TRPV1: variants seen among roughly 807,000 people sequenced by gnomAD.
TRPV1 encodes the protein OTRPC1.
Under a neutral mutation model 82.3 loss-of-function variants are expected in TRPV1, and 82 were observed. The observed-to-expected ratio is 1.00, with a 90% CI of 0.83 to 1.20. TRPV1 has a LOEUF of 1.20. Ranked by LOEUF, TRPV1 falls within the 50% of genes most tolerant of loss-of-function variation. The pLI, the probability that TRPV1 is intolerant of heterozygous loss-of-function variation, is 0.00. For missense variants in TRPV1, 1,067 were observed against 1,096.8 expected (o/e 0.97, Z 0.38); for synonymous variants, 515 against 467.7 (o/e 1.10, Z -1.30).
chr17:3,586,941 G>C (rs559053140), intron 8 of TRPV1, among the ~76,000 whole-genome samples: 2 of 152,128 alleles, frequency 1.3e-5, no homozygotes, highest in South Asian at 4.1e-4. Flanking sequence ...CTTTGGGAAT[G>C]GGAAACTCCT....
intron 10 of TRPV1, among the ~76,000 whole-genome samples, chr17:3,582,705 C>T (rs2150839054): frequency 6.6e-6 from 1 of 152,158 alleles, no homozygotes; most frequent in East Asian, 1.9e-4. Context: ...CGCCTGTAAT[C>T]CCAGCACTTT....
In TRPV1 at chr17:3,571,647, G is replaced by A; in HGVS notation, c.2232-8C>T. 1 of 1,598,480 alleles carries A rather than the reference G, an allele frequency of 6.3e-7. No homozygotes were observed. The highest frequency in any genetic ancestry group is 1.3e-5 in the African/African-American group (1 of 74,760). The stretch of plus-strand genomic sequence containing the variant: ...CAGTTCACCTCGTCCACCCTGCAGG[G>A]TAAGGGGTCGGGAGAGCCTGAGAGC... On this transcript the variant is annotated splice_polypyrimidine_tract_variant and splice_region_variant and intron_variant, in intron 15 of 16. Coordinates refer to ENST00000572705, the MANE Select transcript of TRPV1 (RefSeq NM_080704.4).
At position 3,592,082 on chromosome 17, in the gene TRPV1, C is replaced by A; in HGVS notation, c.269G>T (p.Gly90Val). 7 of 1,612,078 alleles carry A rather than the reference C, an allele frequency of 4.3e-6. No individual in the cohort carries two copies. The highest frequency in any genetic ancestry group is 5.9e-6 in the Non-Finnish European group (7 of 1,178,688). ...GCGGACTTACCTGGCACCGGTGGGG[C>A]CGTCTCCTGGCCTCTGGATGGTGAT... ...PVITIQRPGD[G>V]PTGARLLSQD... Residue 90 changes from glycine to valine, a missense_variant, in exon 3 of 17, where the codon GGC becomes GTC. Coordinates refer to ENST00000572705, the MANE Select transcript of TRPV1 (RefSeq NM_080704.4).
intron 2 of TRPV1, among the ~76,000 whole-genome samples, chr17:3,600,866 C>T (rs949136060): frequency 3.9e-5 from 6 of 152,130 alleles, no homozygotes. Context: ...TTATCTTCTC[C>T]AGCTCCACCA....
intron 2 of TRPV1, among the ~76,000 whole-genome samples, chr17:3,606,405 T>A (rs773200589): frequency 6.6e-6 from 1 of 152,182 alleles, no homozygotes; most frequent in Non-Finnish European, 1.5e-5. Flanking sequence ...GAAGGGTGTG[T>A]GGCAAGTAGC....
intron 2 of TRPV1, among the ~76,000 whole-genome samples, chr17:3,595,254 C>T (rs1348620062): frequency 6.6e-6 from 1 of 152,186 alleles, no homozygotes; most frequent in Admixed American, 6.5e-5. Flanking sequence ...GGAAATACTT[C>T]ACCGATGAGG....
intron 2 of TRPV1, chr17:3,602,218 C>T (rs1425311435): frequency 6.6e-6 from 1 of 152,192 alleles, no homozygotes; most frequent in Non-Finnish European, 1.5e-5. Context: ...AGACATGTAA[C>T]GTCATGATTT....
chr17:3,588,813 TAAAAA>T, intron 7 of TRPV1: 2 of 903,022 alleles, frequency 2.2e-6, no homozygotes, highest in Non-Finnish European at 1.6e-6. Flanking sequence ...AAACCTCATC[TAAAAA>T]AAAAAAAAAA....
chr17:3,606,022 G>C (rs890354762), intron 2 of TRPV1, among the ~76,000 whole-genome samples: 3 of 152,112 alleles, frequency 2.0e-5, no homozygotes, highest in Non-Finnish European at 2.9e-5. Context: ...ACAGTGGCAT[G>C]ATCTCAGCTC....
At chr17:3,594,326 T>C (rs2075199068) in intron 2 of TRPV1, among the ~76,000 whole-genome samples, 1 of 146,064 alleles carries the variant, frequency 6.8e-6, no homozygotes, top group Non-Finnish European at 1.5e-5. Flanking sequence ...TGCATTTTCT[T>C]TTTTTTTTTT....
intron 16 of TRPV1, 60 bp from the exon 17 acceptor site, chr17:3,567,047 T>TCC: frequency 1.9e-6 from 3 of 1,569,332 alleles, no homozygotes; most frequent in Non-Finnish European, 2.6e-6. Context: ...CTTCTTGGCC[T>TCC]CCCAAGTCTC....
intron 9 of TRPV1, among the ~76,000 whole-genome samples, chr17:3,584,410 A>T (rs1567666379): frequency 7.9e-6 from 1 of 127,388 alleles, no homozygotes; most frequent in African/African-American, 3.0e-5. Context: ...CTCAAAAAAA[A>T]AAAAAATAAA....
chr17:3,576,195 C>A (rs1427077426), intron 13 of TRPV1, among the ~76,000 whole-genome samples: 1 of 152,094 alleles, frequency 6.6e-6, no homozygotes, highest in East Asian at 1.9e-4. Flanking sequence ...GCACTCCAGC[C>A]TGGGCAACAG....
At position 3,590,028 on chromosome 17, in the gene TRPV1, T is replaced by C; in HGVS notation, c.823A>G (p.Thr275Ala). 3 of 1,575,310 alleles carry C rather than the reference T, an allele frequency of 1.9e-6. No individual in the cohort carries two copies. The highest frequency in any genetic ancestry group is 2.3e-5 in the South Asian group (2 of 86,470). The change falls in exon 7 of 17, where the codon ACG becomes GCG. Residue 275 changes from threonine to alanine, a missense_variant. Transcript: ENST00000572705. The stretch of plus-strand genomic sequence containing the variant: ...GAGTCCCTGGCGCTGATGTCGGCCG[T>C]CTGCCAGGAGTTCTGCAGCAGGAAC... ...VKFLLQNSWQ[T>A]ADISARDSVG...
intron 2 of TRPV1, among the ~76,000 whole-genome samples, chr17:3,599,645 T>C (rs941230632): frequency 4.1e-5 from 6 of 145,846 alleles, no homozygotes; most frequent in African/African-American, 1.3e-4. Flanking sequence ...TTTTTTTTTT[T>C]CGAGATGAAG....
Position 3,587,114 on chromosome 17 carries a change from TG to T in TRPV1, c.1224+1073del, listed in dbSNP as rs754953266. Among the ~76,000 whole-genome samples, 123 of 152,294 alleles carry T rather than the reference TG, an allele frequency of 8.1e-4. 1 individual carries two copies. Among genetic ancestry groups the T allele is most frequent in the South Asian group, 1.4e-3 (7 of 4,830 alleles). On this transcript the variant is annotated intron_variant, in intron 8 of 16. Coordinates refer to ENST00000572705, the MANE Select transcript of TRPV1 (RefSeq NM_080704.4). ...TTTAGAGACATGAAGATGTCAGTGGTGGTCCCAGAGCCTCTCCCCCAGGTCA... is the reference window on the plus strand; with the variant it reads ...TTTAGAGACATGAAGATGTCAGTGGTGTCCCAGAGCCTCTCCCCCAGGTCA...
chr17:3,573,976 G>A (rs769356528), intron 13 of TRPV1, 21 bp from the exon 14 acceptor site: 12 of 1,567,272 alleles, frequency 7.7e-6, no homozygotes, highest in Admixed American at 2.0e-5. Flanking sequence ...CAGGGAGGGC[G>A]GGGTGCCACT....
rs756940960 is a variant in TRPV1, at chr17:3,606,795, AG to A, written c.-34+1631del. Among the ~76,000 whole-genome samples, 283 of 152,298 alleles carry A rather than the reference AG, an allele frequency of 1.9e-3. 2 individuals carry two copies. Among genetic ancestry groups the A allele is most frequent in the Admixed American group, 4.9e-3 (75 of 15,304 alleles). On this transcript the variant is annotated intron_variant, in intron 2 of 16. Coordinates refer to ENST00000572705, the MANE Select transcript of TRPV1 (RefSeq NM_080704.4). ...TGAATGCATAGTCTGGAAAGAGGACAGAGAGTTCCGGGGCCACACCAGGCAC... is the reference window on the plus strand; with the variant it reads ...TGAATGCATAGTCTGGAAAGAGGACAAGAGTTCCGGGGCCACACCAGGCAC...
At chr17:3,581,707 A>G (rs1192865014) in intron 10 of TRPV1, among the ~76,000 whole-genome samples, 1 of 149,730 alleles carries the variant, frequency 6.7e-6, no homozygotes, top group Non-Finnish European at 1.5e-5. Context: ...TAACATGGTG[A>G]AACCCCGTCT....
Sources: gnomAD v4.1 joint callset for allele counts (sites outside exome capture counted in the v4.1 genomes callset) on GRCh38, gnomAD v4.1.1 for gene constraint, MANE v1.5 for transcripts, NCBI Gene and HGNC (gene_info 2026-07-23, HGNC 2026-07-21) for gene names.